The following CCDC122 variants were observed in gnomAD, a reference collection of about 807,000 sequenced individuals.
The protein encoded by CCDC122 is coiled-coil domain-containing protein 122.
A neutral mutation model predicts 37.0 loss-of-function variants in CCDC122; 38 were observed. That is an observed-to-expected ratio of 1.03 (90% CI 0.79 to 1.35). CCDC122 has a LOEUF of 1.35. Ranked by LOEUF, CCDC122 falls within the 40% of genes most tolerant of loss-of-function variation. The pLI is 0.00. For synonymous variants in CCDC122, 83 were observed against 95.6 expected (o/e 0.87, Z 0.77); for missense variants, 305 against 310.0 (o/e 0.98, Z 0.12).
chr13:43,849,499 C>T (rs959439028), intron 6 of CCDC122, among the ~76,000 whole-genome samples: 2 of 152,212 alleles, frequency 1.3e-5, no homozygotes, highest in African/African-American at 2.4e-5. Context: ...TAGGGAACCT[C>T]AAGACCCAAG....
chr13:43,837,946 C>T (rs1953220197), intron 6 of CCDC122, among the ~76,000 whole-genome samples: 1 of 152,150 alleles, frequency 6.6e-6, no homozygotes, highest in Admixed American at 6.5e-5. Flanking sequence ...ATAGCTGAGA[C>T]TCAGTCGACC....
At chr13:43,877,149 C>T (rs534767265) in intron 1 of CCDC122, among the ~76,000 whole-genome samples, 2 of 152,152 alleles carry the variant, frequency 1.3e-5, no homozygotes, top group Non-Finnish European at 2.9e-5. Context: ...CCTCAGATTG[C>T]TTCACAGGTG....
chr13:43,844,650 G>A (rs1953459706), intron 6 of CCDC122, among the ~76,000 whole-genome samples: 1 of 151,776 alleles, frequency 6.6e-6, no homozygotes, highest in South Asian at 2.1e-4. Flanking sequence ...TTTTGCTCAT[G>A]TATTTTGAAA....
chr13:43,850,382 C>T (rs1259851413), intron 6 of CCDC122, among the ~76,000 whole-genome samples: 1 of 152,156 alleles, frequency 6.6e-6, no homozygotes, highest in Non-Finnish European at 1.5e-5. Flanking sequence ...ATCTGACAAG[C>T]ATTTTAAAGC....
At chr13:43,838,400 C>T (rs573126960) in intron 6 of CCDC122, among the ~76,000 whole-genome samples, 8 of 152,128 alleles carry the variant, frequency 5.3e-5, no homozygotes, top group East Asian at 1.9e-4. Context: ...CTGAGCCAGA[C>T]GAGGATACAC....
intron 3 of CCDC122, among the ~76,000 whole-genome samples, chr13:43,826,674 T>C (rs1953044145): frequency 6.6e-6 from 1 of 152,098 alleles, no homozygotes; most frequent in Non-Finnish European, 1.5e-5. Context: ...ATATTGTAAC[T>C]TTAGAGAAAA....
rs1317438074 is a variant in CCDC122, at chr13:43,850,935, C to A, written c.672+7846G>T. 2.0e-5 allele frequency among the ~76,000 whole-genome samples: 3 copies of A among 152,096 alleles called. No homozygotes were observed. In the East Asian group the frequency reaches 5.8e-4, roughly 29 times the overall value. On this transcript the variant is annotated intron_variant, in intron 6 of 6. Coordinates refer to ENST00000444614, the MANE Select transcript of CCDC122 (RefSeq NM_144974.5). ...TCCCCAATCTCGCTCACTCTGCAGA[C>A]AGAAAATCTTGAAGACACCAAGAAA...
chr13:43,866,065 G>A (rs1274069519), intron 4 of CCDC122, among the ~76,000 whole-genome samples: 1 of 152,180 alleles, frequency 6.6e-6, no homozygotes, highest in East Asian at 1.9e-4. Flanking sequence ...AGCTCATATG[G>A]CATAGATGTG....
At chr13:43,879,740 T>TGAGGCGGGGCGAGGTGGGC (rs1555394114), upstream of CCDC122, 7,378 of 126,902 alleles carry the variant, frequency 0.058, 542 homozygotes, top group Non-Finnish European at 0.081. Context: ...GCGAGGTAGG[T>TGAGGCGGGGCGAGGTGGGC]GAGGTGAGGC....
chr13:43,845,982 T>C (rs181913241), intron 6 of CCDC122, among the ~76,000 whole-genome samples: 8 of 152,342 alleles, frequency 5.3e-5, no homozygotes, highest in Non-Finnish European at 8.8e-5. Context: ...AACATACTTA[T>C]TATAGTTTTC....
chr13:43,879,580 G>A (rs998079228), intron 1 of CCDC122, 51 bp downstream of exon 1: 1 of 152,146 alleles, frequency 6.6e-6, no homozygotes. Flanking sequence ...CCCAGCTCTC[G>A]CGCTGGGCCC....
rs372342406 is a variant in CCDC122 at position 43,866,916 on chromosome 13, A to C, written c.156+1778T>G. On this transcript the variant is annotated intron_variant, in intron 4 of 6. Transcript: ENST00000444614. ...TTTCTTTCTAAACTGGATGAGTTTT[A>C]TTTCTTTTTCTTGCATAGCTGTACT... is the stretch of plus-strand genomic sequence containing the variant. 2.0e-5 allele frequency among the ~76,000 whole-genome samples: 3 copies of C among 152,200 alleles called. No homozygotes were observed. In the East Asian group the frequency reaches 5.8e-4, roughly 29 times the overall value.
chr13:43,834,184 A>G (rs2153868684), downstream of CCDC122, among the ~76,000 whole-genome samples: 1 of 152,308 alleles, frequency 6.6e-6, no homozygotes, highest in African/African-American at 2.4e-5. Context: ...TCTTTGACAA[A>G]CCTGGCAAAA....
At position 43,869,486 on chromosome 13, in the gene CCDC122, G is replaced by T; in HGVS notation, c.-110C>A. 2.6e-6 allele frequency: 2 copies of T among 763,660 alleles called. No individual in the cohort carries two copies. The highest frequency in any genetic ancestry group is 4.2e-6 in the Non-Finnish European group (2 of 475,984). 47.3% of individuals were successfully genotyped at this position (763,660 alleles called of 1,614,324 possible). ...TTGTTTTTTCCTGTTGTATATTGGT[G>T]ATCCTGAAAGGTAAATTAATTGTCA... is the stretch of plus-strand genomic sequence containing the variant. On this transcript the variant is annotated 5_prime_UTR_variant, in exon 3 of 7. Coordinates refer to ENST00000444614, the MANE Select transcript of CCDC122 (RefSeq NM_144974.5).
intron 6 of CCDC122, among the ~76,000 whole-genome samples, chr13:43,839,297 T>C (rs947130714): frequency 6.6e-6 from 1 of 152,220 alleles, no homozygotes; most frequent in Non-Finnish European, 1.5e-5. Flanking sequence ...TTTCTCCTTG[T>C]ATACATTTGC....
At chr13:43,855,974 T>C (rs1466917797) in intron 6 of CCDC122, 1 of 152,174 alleles carries the variant, frequency 6.6e-6, no homozygotes, top group Non-Finnish European at 1.5e-5. Flanking sequence ...CCATCAGTGG[T>C]AGTCTGGATA....
chr13:43,832,609 A>G (rs1241624181), downstream of CCDC122, among the ~76,000 whole-genome samples: 1 of 152,176 alleles, frequency 6.6e-6, no homozygotes, highest in East Asian at 1.9e-4. Flanking sequence ...ACTTTTAATT[A>G]CAAAATTTCT....
chr13:43,879,386 C>G (rs1269223649), intron 1 of CCDC122: 1 of 153,176 alleles, frequency 6.5e-6, no homozygotes. Flanking sequence ...CGACCCTTTC[C>G]GGACTCGGCC....
At chr13:43,822,847 C>T (rs1953005071), downstream of CCDC122, among the ~76,000 whole-genome samples, 1 of 152,096 alleles carries the variant, frequency 6.6e-6, no homozygotes, top group Non-Finnish European at 1.5e-5. Context: ...TGGTGGGCTC[C>T]CCTTCTTTTA....
Sources: allele counts gnomAD v4.1 joint callset (sites outside exome capture counted in the v4.1 genomes callset), GRCh38; gene constraint gnomAD v4.1.1; transcripts MANE v1.5; gene names NCBI Gene and HGNC (gene_info 2026-07-23, HGNC 2026-07-21).